The following ZFHX3 variants were observed in gnomAD, a reference collection of about 807,000 sequenced individuals.
ZFHX3 encodes the protein zinc finger homeobox 3, also known as zinc finger homeobox protein 3.
A neutral mutation model predicts 279.1 loss-of-function variants in ZFHX3; 42 were observed. The ratio of observed to expected loss-of-function variants is 0.15; its 90% CI spans 0.12 to 0.19. The LOEUF (loss-of-function observed/expected upper bound fraction) is 0.19. Among genes scored for constraint, ZFHX3 ranks in the 10% least tolerant of loss-of-function variants. The probability of loss-of-function intolerance (pLI) is 1.00; values close to 1 mark genes in which losing one functional copy is unlikely to be tolerated. For missense variants in ZFHX3, 4,981 were observed against 4,754.0 expected (o/e 1.05, Z -1.40); for synonymous variants, 2,293 against 1,957.8 (o/e 1.17, Z -4.52).
chr16:72,890,496 G>A (rs1161095122), intron 3 of ZFHX3, among the ~76,000 whole-genome samples: 1 of 142,020 alleles, frequency 7.0e-6, no homozygotes, highest in Non-Finnish European at 1.5e-5. Context: ...TCCTTAGAGG[G>A]TTTTTTTTTT....
chr16:72,908,306 TG>T, intron 3 of ZFHX3, among the ~76,000 whole-genome samples: 1 of 152,216 alleles, frequency 6.6e-6, no homozygotes, highest in South Asian at 2.1e-4. Context: ...TCTCTTCCAT[TG>T]TAAAAGGAGG....
chr16:72,873,539 A>AT (rs2038220208), intron 4 of ZFHX3, among the ~76,000 whole-genome samples: 1 of 152,126 alleles, frequency 6.6e-6, no homozygotes, highest in Non-Finnish European at 1.5e-5. Context: ...GTGTTTATAG[A>AT]TTTTCCCTTT....
intron 1 of ZFHX3, among the ~76,000 whole-genome samples, chr16:73,043,359 G>A (rs760720196): frequency 8.5e-5 from 13 of 152,130 alleles, no homozygotes; most frequent in Non-Finnish European, 1.9e-4. Flanking sequence ...TAAGAGGCCC[G>A]GGCTGGAGTT....
chr16:73,249,622 C>G (rs1450697823), intron 5 of ZFHX3, among the ~76,000 whole-genome samples: 2 of 152,106 alleles, frequency 1.3e-5, no homozygotes, highest in Non-Finnish European at 2.9e-5. Flanking sequence ...ACGGGAGCTA[C>G]AATTCAAGAA....
chr16:72,912,197 G>A lies in ZFHX3; in HGVS notation c.3217-22235C>T, dbSNP rs1451812737. On this transcript the variant is annotated intron_variant, in intron 3 of 9. Coordinates refer to ENST00000268489, the MANE Select transcript of ZFHX3 (RefSeq NM_006885.4). ...AGCTCGACCCTGCCAGGCTCCGCGC[G>A]GGGAGGTGCCTGCTCAGGTGCCGCT... is the stretch of plus-strand genomic sequence containing the variant. Among the ~76,000 whole-genome samples the A allele has an allele frequency of 5.3e-5, 8 of 152,314 alleles. No homozygotes were observed. In the East Asian group the frequency reaches 5.8e-4, roughly 11 times the overall value.
chr16:73,725,567 G>A (rs1167705030), intron 1 of ZFHX3, among the ~76,000 whole-genome samples: 1 of 151,260 alleles, frequency 6.6e-6, no homozygotes, highest in African/African-American at 2.4e-5. Context: ...GTGTGTGTGT[G>A]TAGGCTGAGG....
intron 1 of ZFHX3, among the ~76,000 whole-genome samples, chr16:73,038,259 T>G (rs1450414086): frequency 6.6e-6 from 1 of 152,148 alleles, no homozygotes; most frequent in East Asian, 1.9e-4. Flanking sequence ...CAGCCCAAAA[T>G]CCTGTCTAGA....
intron 1 of ZFHX3, among the ~76,000 whole-genome samples, chr16:73,018,783 G>A (rs1178454233): frequency 6.6e-6 from 1 of 152,166 alleles, no homozygotes; most frequent in Non-Finnish European, 1.5e-5. Context: ...AAAACTGGCT[G>A]TCAGTTTCCT....
chr16:73,676,455 G>C (rs1425327721), intron 2 of ZFHX3, among the ~76,000 whole-genome samples: 7 of 151,588 alleles, frequency 4.6e-5, no homozygotes, highest in Non-Finnish European at 7.4e-5. Context: ...ATTAAATAAT[G>C]GTTTTGAGAA....
chr16:73,008,537 G>C (rs781400431), intron 1 of ZFHX3, among the ~76,000 whole-genome samples: 8 of 152,190 alleles, frequency 5.3e-5, no homozygotes, highest in Non-Finnish European at 1.2e-4. Context: ...TTGTAGAAGG[G>C]ATATAACCAC....
intron 4 of ZFHX3, among the ~76,000 whole-genome samples, chr16:72,853,726 A>G (rs997256198): frequency 2.6e-5 from 4 of 152,216 alleles, no homozygotes; most frequent in Admixed American, 2.6e-4. Context: ...CAGATTCAGG[A>G]GGGCGGGGAA....
intron 1 of ZFHX3, among the ~76,000 whole-genome samples, chr16:73,749,471 T>C (rs552206004): frequency 6.2e-4 from 95 of 152,196 alleles, no homozygotes; most frequent in Non-Finnish European, 1.2e-3. Flanking sequence ...CTATTTACTA[T>C]GCAAGTCTTC....
At position 73,190,912 on chromosome 16, in the gene ZFHX3, A is replaced by AT. The variant is rs5817836; in HGVS notation, c.-1103-47082dup. The stretch of plus-strand genomic sequence containing the variant: ...AGAGACCAGGGTGAAGAGGGACTGG[A>AT]TTTTTTTTTTTTTGTAAATTGCCGG... On this transcript the variant is annotated intron_variant, in intron 5 of 17. Transcript: ENST00000641206. Among the ~76,000 whole-genome samples the AT allele has an allele frequency of 9.1e-3, 1,365 of 149,700 alleles. 16 individuals are homozygous for AT. Among genetic ancestry groups the AT allele is most frequent in the Non-Finnish European group, 0.014 (916 of 67,300 alleles).
At chr16:73,058,199 G>T (rs1465746634) in intron 1 of ZFHX3, among the ~76,000 whole-genome samples, 4 of 145,632 alleles carry the variant, frequency 2.7e-5, no homozygotes, top group Admixed American at 6.8e-5. Context: ...GGCGGCCGGC[G>T]GCGGCGGCGC....
chr16:73,619,797 T>C (rs1301245965), intron 2 of ZFHX3, among the ~76,000 whole-genome samples: 2 of 152,026 alleles, frequency 1.3e-5, no homozygotes, highest in Non-Finnish European at 2.9e-5. Context: ...TATCACTGGC[T>C]CCCACATGGT....
chr16:73,204,389 T>C (rs1172059771), intron 5 of ZFHX3, among the ~76,000 whole-genome samples: 1 of 152,102 alleles, frequency 6.6e-6, no homozygotes, highest in African/African-American at 2.4e-5. Flanking sequence ...TAGCGGGTAA[T>C]GGGAGACAGT....
At chr16:72,845,917 G>A (rs1205103666) in intron 4 of ZFHX3, among the ~76,000 whole-genome samples, 4 of 152,232 alleles carry the variant, frequency 2.6e-5, no homozygotes, top group Admixed American at 2.0e-4. Flanking sequence ...GGAGGTGACA[G>A]CTGATGCCAA....
At chr16:73,107,901 C>T (rs570242839) in intron 7 of ZFHX3, among the ~76,000 whole-genome samples, 11 of 152,232 alleles carry the variant, frequency 7.2e-5, no homozygotes, top group African/African-American at 2.4e-4. Context: ...GTGGCTCATG[C>T]CTGTAATCCC....
At chr16:73,637,965 A>G (rs1449093992) in intron 2 of ZFHX3, among the ~76,000 whole-genome samples, 2 of 152,208 alleles carry the variant, frequency 1.3e-5, no homozygotes, top group Admixed American at 1.3e-4. Context: ...AAATAAGACA[A>G]TGATGTGTCA....
Sources: allele counts gnomAD v4.1 joint callset (sites outside exome capture counted in the v4.1 genomes callset), GRCh38; gene constraint gnomAD v4.1.1; transcripts MANE v1.5; gene names NCBI Gene and HGNC (gene_info 2026-07-23, HGNC 2026-07-21).